The following WWOX variants were observed in gnomAD, a reference collection of about 807,000 sequenced individuals.
WWOX encodes the protein WW domain containing oxidoreductase.
Under a neutral mutation model 46.2 loss-of-function variants are expected in WWOX, and 69 were observed. That is an observed-to-expected ratio of 1.49 (90% CI 1.23 to 1.82). The LOEUF (loss-of-function observed/expected upper bound fraction) is 1.82, where lower values mean the gene tolerates loss of function less well. Ranked by LOEUF, WWOX falls within the 40% of genes most tolerant of loss-of-function variation. The pLI is 0.00. For missense variants in WWOX, 919 were observed against 542.6 expected, an observed-to-expected ratio of 1.69 and a Z score of -6.89; for synonymous variants, 359 against 202.6, an observed-to-expected ratio of 1.77 and a Z score of -6.56.
intron 4 of WWOX, among the ~76,000 whole-genome samples, chr16:78,120,576 CA>C (rs11433590): frequency 0.012 from 1,039 of 84,410 alleles, 5 homozygotes; most frequent in East Asian, 0.065. Flanking sequence ...GACTCCGTCT[CA>C]AAAAAAAAAA....
At chr16:78,554,189 C>A (rs1186495489) in intron 8 of WWOX, among the ~76,000 whole-genome samples, 2 of 152,018 alleles carry the variant, frequency 1.3e-5, no homozygotes, top group African/African-American at 4.8e-5. Flanking sequence ...AGCACTAGAG[C>A]AGGGATGGGG....
rs28529607 is a variant in WWOX at position 78,968,095 on chromosome 16, A to G, written c.1057-243513A>G. 3.1e-3 allele frequency among the ~76,000 whole-genome samples: 409 copies of G among 130,620 alleles called. 2 individuals carry two copies. Among genetic ancestry groups the G allele is most frequent in the African/African-American group, 0.01 (335 of 33,094 alleles). The allele number at this position is 130,620 out of a possible 152,430, so 85.7% of individuals were successfully genotyped here. On this transcript the variant is annotated intron_variant, in intron 8 of 8. Coordinates refer to ENST00000566780, the MANE Select transcript of WWOX (RefSeq NM_016373.4). ...CTGTATGGCACAGTGCATGGTCCGC[A>G]TGGCACAGCGCGTGGTCCGCGTGGC...
intron 8 of WWOX, among the ~76,000 whole-genome samples, chr16:78,774,901 A>T (rs944262310): frequency 8.5e-5 from 13 of 152,188 alleles, no homozygotes; most frequent in Admixed American, 3.3e-4. Context: ...GACAGATGGA[A>T]CGTCACCGTT....
intron 5 of WWOX, among the ~76,000 whole-genome samples, chr16:78,329,853 T>C (rs11861590): frequency 0.64 from 97,085 of 151,476 alleles, 32,653 homozygotes; most frequent in East Asian, 0.98. Flanking sequence ...CTCCAGTGAT[T>C]CTCCCACCTC....
intron 5 of WWOX, among the ~76,000 whole-genome samples, chr16:78,191,475 C>A (rs1301910488): frequency 6.6e-6 from 1 of 152,204 alleles, no homozygotes. Context: ...CACAATATAT[C>A]AATGTATGGT....
intron 8 of WWOX, among the ~76,000 whole-genome samples, chr16:79,014,378 G>A (rs1479939682): frequency 6.6e-6 from 1 of 152,082 alleles, no homozygotes; most frequent in Non-Finnish European, 1.5e-5. Flanking sequence ...TATTGTCCCC[G>A]AATGGAAAAA....
At chr16:78,807,617 C>T (rs1186964622) in intron 8 of WWOX, among the ~76,000 whole-genome samples, 1 of 152,164 alleles carries the variant, frequency 6.6e-6, no homozygotes, top group Non-Finnish European at 1.5e-5. Flanking sequence ...CATCTAGGAG[C>T]ATTTTATGGC....
At chr16:78,788,184 T>C (rs2050502603) in intron 8 of WWOX, among the ~76,000 whole-genome samples, 1 of 152,240 alleles carries the variant, frequency 6.6e-6, no homozygotes, top group Non-Finnish European at 1.5e-5. Flanking sequence ...ATGTTGTTGC[T>C]TCTGTTTTTG....
intron 8 of WWOX, among the ~76,000 whole-genome samples, chr16:78,692,616 A>G (rs1387494246): frequency 2.0e-5 from 3 of 152,204 alleles, no homozygotes; most frequent in African/African-American, 2.4e-5. Context: ...TCTCACCCCC[A>G]TGTTTATAAA....
chr16:78,336,525 A>AAG (rs71137888), intron 5 of WWOX, among the ~76,000 whole-genome samples: 1 of 147,814 alleles, frequency 6.8e-6, no homozygotes, highest in Non-Finnish European at 1.5e-5. Flanking sequence ...AAAAAAAAAA[A>AAG]GCCTACAGTT....
At chr16:78,427,808 A>T (rs909614296) in intron 7 of WWOX, among the ~76,000 whole-genome samples, 3 of 151,754 alleles carry the variant, frequency 2.0e-5, no homozygotes, top group South Asian at 4.2e-4. Flanking sequence ...GTTTAAAAAA[A>T]ATGCAGTATA....
At chr16:79,101,310 A>G (rs1422448098) in intron 8 of WWOX, 1 of 152,152 alleles carries the variant, frequency 6.6e-6, no homozygotes, top group Non-Finnish European at 1.5e-5. Context: ...TCTTAATCCA[A>G]CAACTCTGCT....
intron 5 of WWOX, among the ~76,000 whole-genome samples, chr16:78,318,007 A>G (rs9635572): frequency 0.16 from 24,397 of 152,158 alleles, 2,098 homozygotes; most frequent in East Asian, 0.24. Context: ...AAGGTTCCAC[A>G]GTATTTGGAC....
At chr16:78,134,075 C>T (rs1410605168) in intron 4 of WWOX, among the ~76,000 whole-genome samples, 1 of 152,160 alleles carries the variant, frequency 6.6e-6, no homozygotes, top group South Asian at 2.1e-4. Flanking sequence ...CTGTGTTTCT[C>T]ATGTTGGTTA....
chr16:78,661,131 C>T (rs368085946), intron 8 of WWOX, among the ~76,000 whole-genome samples: 3 of 152,142 alleles, frequency 2.0e-5, no homozygotes, highest in Non-Finnish European at 2.9e-5. Context: ...ACTGTGTACA[C>T]CTTTGAAACA....
intron 8 of WWOX, among the ~76,000 whole-genome samples, chr16:78,790,953 A>C (rs1405547912): frequency 7.7e-6 from 1 of 129,178 alleles, no homozygotes; most frequent in African/African-American, 3.0e-5. Flanking sequence ...CAGGAGATGG[A>C]GGTTGCAGTG....
At chr16:78,827,157 C>G (rs915208053) in intron 8 of WWOX, among the ~76,000 whole-genome samples, 1 of 152,072 alleles carries the variant, frequency 6.6e-6, no homozygotes, top group Non-Finnish European at 1.5e-5. Flanking sequence ...TAGCTGTTCC[C>G]CCAACTGCAA....
At chr16:79,140,763 T>G (rs908344376) in intron 8 of WWOX, among the ~76,000 whole-genome samples, 2 of 152,216 alleles carry the variant, frequency 1.3e-5, no homozygotes, top group Admixed American at 6.5e-5. Context: ...AGGTGAGTTG[T>G]GCAGAGGCAA....
intron 8 of WWOX, among the ~76,000 whole-genome samples, chr16:78,951,816 G>A (rs879931562): frequency 1.3e-5 from 2 of 152,168 alleles, no homozygotes; most frequent in African/African-American, 4.8e-5. Context: ...GGAAAGGTCT[G>A]AGCAGAGTAA....
Sources: allele counts gnomAD v4.1 joint callset (sites outside exome capture counted in the v4.1 genomes callset), GRCh38; gene constraint gnomAD v4.1.1; transcripts MANE v1.5; gene names NCBI Gene and HGNC (gene_info 2026-07-23, HGNC 2026-07-21).